The following SEMA3E variants were observed in gnomAD, a reference collection of about 807,000 sequenced individuals.
SEMA3E encodes semaphorin 3E, also known as semaphorin-3E.
In SEMA3E, 49 loss-of-function variants were observed where a neutral mutation model predicts 93.6. The ratio of observed to expected loss-of-function variants is 0.52; its 90% CI spans 0.42 to 0.66. The LOEUF (loss-of-function observed/expected upper bound fraction) is 0.66, where lower values mean the gene tolerates loss of function less well. Among genes scored for constraint, SEMA3E ranks in the 30% least tolerant of loss-of-function variants. The pLI is 0.00. For synonymous variants in SEMA3E, 363 were observed against 330.7 expected, an observed-to-expected ratio of 1.10 and a Z score of -1.06; for missense variants, 906 against 964.8, an observed-to-expected ratio of 0.94 and a Z score of 0.81.
At chr7:83,507,444 G>A (rs1790726435) in intron 1 of SEMA3E, among the ~76,000 whole-genome samples, 1 of 146,214 alleles carries the variant, frequency 6.8e-6, no homozygotes, top group Admixed American at 6.8e-5. Flanking sequence ...GTGTGTGTGT[G>A]TGTGTGTGTG....
chr7:83,390,866 A>G (rs1301048752), intron 14 of SEMA3E, among the ~76,000 whole-genome samples: 2 of 152,184 alleles, frequency 1.3e-5, no homozygotes, highest in Non-Finnish European at 2.9e-5. Context: ...TACTGTATTA[A>G]CAAGCTTAAG....
intron 1 of SEMA3E, among the ~76,000 whole-genome samples, chr7:83,506,090 A>G (rs1790700917): frequency 6.7e-6 from 1 of 150,230 alleles, no homozygotes; most frequent in African/African-American, 2.4e-5. Context: ...GAAAAAAAGT[A>G]TATTGCCTTG....
intron 1 of SEMA3E, among the ~76,000 whole-genome samples, chr7:83,554,548 C>A (rs372379570): frequency 1.3e-5 from 2 of 150,468 alleles, no homozygotes; most frequent in South Asian, 2.1e-4. Flanking sequence ...TTTTTTTTAA[C>A]CCAGTGTACA....
rs1415545148 is a variant in SEMA3E, at chr7:83,364,129, C to T, written c.*3457G>A. 1 of 151,510 alleles carries T rather than the reference C, an allele frequency of 6.6e-6. No homozygotes were observed. Among genetic ancestry groups the T allele is most frequent in the African/African-American group, 2.4e-5 (1 of 41,200 alleles). The allele number at this position is 151,510 out of a possible 1,614,324, so 9.4% of individuals were successfully genotyped here. A position where few individuals can be genotyped will look rare whatever the true frequency, so the allele number is the denominator to read the frequency against. The stretch of plus-strand genomic sequence containing the variant: ...CAGGATGGTCTCGATCTCCTGACCT[C>T]ATGATCCACCCGCCTCGGCCTCCCA... On this transcript the variant is annotated 3_prime_UTR_variant, in exon 17 of 17. Transcript: ENST00000643230.
intron 1 of SEMA3E, among the ~76,000 whole-genome samples, chr7:83,513,356 C>T (rs1202913991): frequency 1.9e-4 from 29 of 152,284 alleles, no homozygotes; most frequent in Non-Finnish European, 1.5e-5. Context: ...TCCCATAGCA[C>T]TTCCAAATGC....
chr7:83,638,907 C>G (rs192727611), intron 1 of SEMA3E, among the ~76,000 whole-genome samples: 1 of 151,240 alleles, frequency 6.6e-6, no homozygotes, highest in African/African-American at 2.4e-5. Context: ...GTCAGGAGAT[C>G]GAGACCATCC....
intron 1 of SEMA3E, among the ~76,000 whole-genome samples, chr7:83,611,342 TATATA>T (rs1057203416): frequency 1.4e-4 from 20 of 144,834 alleles, no homozygotes; most frequent in Admixed American, 2.8e-4. Flanking sequence ...TTATATATTA[TATATA>T]ATATATGTGT....
chr7:83,619,324 T>C (rs1793494345), intron 1 of SEMA3E, among the ~76,000 whole-genome samples: 1 of 151,808 alleles, frequency 6.6e-6, no homozygotes, highest in Non-Finnish European at 1.5e-5. Context: ...TTAGGATAAG[T>C]ATGTCCACTA....
chr7:83,388,457 T>G (rs1302868525), intron 14 of SEMA3E, among the ~76,000 whole-genome samples: 2 of 151,642 alleles, frequency 1.3e-5, no homozygotes, highest in African/African-American at 4.8e-5. Context: ...AATTCTAAAA[T>G]CAAGAACTCT....
chr7:83,574,542 T>G (rs202169709), intron 1 of SEMA3E, among the ~76,000 whole-genome samples: 19,870 of 151,962 alleles, frequency 0.13, 1,541 homozygotes, highest in African/African-American at 0.2. Flanking sequence ...TCTGTACTTT[T>G]GGGTACTCTT....
chr7:83,462,541 C>T (rs1244816264), intron 4 of SEMA3E, among the ~76,000 whole-genome samples: 1 of 152,108 alleles, frequency 6.6e-6, no homozygotes, highest in Non-Finnish European at 1.5e-5. Flanking sequence ...TTGTATCTCC[C>T]CACCTTAACC....
intron 1 of SEMA3E, among the ~76,000 whole-genome samples, chr7:83,582,337 A>T (rs1792533328): frequency 1.3e-5 from 2 of 151,926 alleles, no homozygotes; most frequent in South Asian, 2.1e-4. Flanking sequence ...TTATTTTTAA[A>T]ATAACATTTA....
At chr7:83,509,445 C>T (rs890769949) in intron 1 of SEMA3E, among the ~76,000 whole-genome samples, 16 of 152,098 alleles carry the variant, frequency 1.1e-4, no homozygotes, top group South Asian at 2.1e-4. Flanking sequence ...CTGGAGGCAA[C>T]GAGACACACT....
At chr7:83,534,450 T>C (rs1028324473) in intron 1 of SEMA3E, among the ~76,000 whole-genome samples, 5 of 152,262 alleles carry the variant, frequency 3.3e-5, no homozygotes, top group Middle Eastern at 3.4e-3. Context: ...ACAATCATTA[T>C]ATATTATATT....
intron 5 of SEMA3E, 97 bp downstream of exon 5, chr7:83,418,293 G>A (rs1177318631): frequency 2.3e-6 from 2 of 856,348 alleles, no homozygotes; most frequent in Admixed American, 2.0e-5. Flanking sequence ...ACAAGGCATA[G>A]TATGTAAAGA....
intron 1 of SEMA3E, among the ~76,000 whole-genome samples, chr7:83,601,841 A>G (rs1206939882): frequency 6.6e-6 from 1 of 152,216 alleles, no homozygotes; most frequent in African/African-American, 2.4e-5. Context: ...TTCGTGAAAC[A>G]TCCCCTTATC....
rs551330671 is a variant in SEMA3E at position 83,500,223 on chromosome 7, G to A, written c.116-9949C>T. 4.6e-5 allele frequency among the ~76,000 whole-genome samples: 7 copies of A among 152,258 alleles called. No individual in the cohort carries two copies. The South Asian group carries it at 1.5e-3, about 32-fold the overall frequency. ...GAGGCCAAGGCGGGTGGATCACAAG[G>A]TCAGGAGTTCAAGACCAGTCTGGCC... On this transcript the variant is annotated intron_variant, in intron 1 of 16. Coordinates refer to ENST00000643230, the MANE Select transcript of SEMA3E (RefSeq NM_012431.3).
intron 4 of SEMA3E, among the ~76,000 whole-genome samples, chr7:83,448,401 C>G (rs976948164): frequency 3.3e-5 from 5 of 152,108 alleles, no homozygotes; most frequent in African/African-American, 1.2e-4. Context: ...AAGCCCAGTG[C>G]TTTGGGAGGC....
intron 3 of SEMA3E, among the ~76,000 whole-genome samples, chr7:83,467,526 G>T (rs1789794323): frequency 6.6e-6 from 1 of 152,100 alleles, no homozygotes; most frequent in Non-Finnish European, 1.5e-5. Context: ...AGTAGACTGG[G>T]GATCAGCAAA....
Sources: gnomAD v4.1 joint callset for allele counts (sites outside exome capture counted in the v4.1 genomes callset) on GRCh38, gnomAD v4.1.1 for gene constraint, MANE v1.5 for transcripts, NCBI Gene and HGNC (gene_info 2026-07-23, HGNC 2026-07-21) for gene names.